SREK1IP1: variants seen among roughly 807,000 people sequenced by gnomAD.
SREK1IP1 encodes the protein SREK1 interacting protein 1.
A neutral mutation model predicts 22.8 loss-of-function variants in SREK1IP1; 12 were observed. The ratio of observed to expected loss-of-function variants is 0.53; its 90% CI spans 0.34 to 0.85. The LOEUF is 0.85. Ranked by LOEUF, SREK1IP1 falls within the 40% of genes least tolerant of loss-of-function variation. The pLI is 0.02. For synonymous variants in SREK1IP1, 53 were observed against 52.7 expected (o/e 1.01, Z -0.02); for missense variants, 147 against 171.8 (o/e 0.86, Z 0.81).
At chr5:64,740,926 A>C in intron 3 of SREK1IP1, 131 bp downstream of exon 3, 1 of 803,340 alleles carries the variant, frequency 1.2e-6, no homozygotes, top group Non-Finnish European at 1.9e-6. Context: ...ACAATATTTA[A>C]AACCTATTTC....
chr5:64,731,955 G>A (rs1237550727), intron 3 of SREK1IP1, among the ~76,000 whole-genome samples: 1 of 152,024 alleles, frequency 6.6e-6, no homozygotes, highest in Non-Finnish European at 1.5e-5. Context: ...AATGATTAAA[G>A]GCAAAGTGAA....
chr5:64,739,046 A>G (rs1179691065), intron 3 of SREK1IP1, among the ~76,000 whole-genome samples: 2 of 152,018 alleles, frequency 1.3e-5, no homozygotes, highest in African/African-American at 4.8e-5. Context: ...GGAAGCCTGG[A>G]TTATATTTTC....
rs75586163 is a variant in SREK1IP1, at chr5:64,738,646, T to C, written c.205+2411A>G. 3.9e-3 allele frequency among the ~76,000 whole-genome samples: 600 copies of C among 152,132 alleles called. 9 individuals are homozygous for C. The highest frequency in any genetic ancestry group is 0.03 in the East Asian group (155 of 5,176). On this transcript the variant is annotated intron_variant, in intron 3 of 4. Coordinates refer to ENST00000513458, the MANE Select transcript of SREK1IP1 (RefSeq NM_173829.4). ...ACATAAAGACAGACACATAGACCAA[T>C]GTAACAGAATAGGAAGTCCAGGAAT...
chr5:64,760,571 AC>A (rs1266861228), intron 1 of SREK1IP1, among the ~76,000 whole-genome samples: 3 of 152,204 alleles, frequency 2.0e-5, no homozygotes, highest in Non-Finnish European at 4.4e-5. Flanking sequence ...ATGTATGGGA[AC>A]AGACACACAA....
intron 3 of SREK1IP1, among the ~76,000 whole-genome samples, chr5:64,740,280 T>C (rs1201746477): frequency 6.6e-6 from 1 of 152,012 alleles, no homozygotes; most frequent in East Asian, 1.9e-4. Context: ...ATAAATGATA[T>C]CTGTTAGCCA....
intron 3 of SREK1IP1, among the ~76,000 whole-genome samples, chr5:64,738,513 G>T (rs1482175292): frequency 6.7e-6 from 1 of 149,582 alleles, no homozygotes; most frequent in Admixed American, 6.7e-5. Context: ...AACCACAAAA[G>T]ACCCCATACA....
At chr5:64,739,423 C>T (rs781135521) in intron 3 of SREK1IP1, among the ~76,000 whole-genome samples, 4 of 152,088 alleles carry the variant, frequency 2.6e-5, no homozygotes, top group Admixed American at 6.6e-5. Context: ...GAGGGTCTAA[C>T]TCGTGGAGAC....
intron 1 of SREK1IP1, 116 bp downstream of exon 1, chr5:64,768,389 T>A: frequency 7.4e-7 from 1 of 1,352,132 alleles, no homozygotes. Flanking sequence ...CCTGTGAATT[T>A]TAAGGCCTCC....
At position 64,760,011 on chromosome 5, in the gene SREK1IP1, A is replaced by G. The variant is rs73099505; in HGVS notation, c.14-5649T>C. On this transcript the variant is annotated intron_variant, in intron 1 of 4. Coordinates refer to ENST00000513458, the MANE Select transcript of SREK1IP1 (RefSeq NM_173829.4). Reference sequence around the variant, plus strand: ...TAGTTCTCCCAATTTATGTGCACAAATGCATACTGACTTATGTACAATGTT... The same window carrying G: ...TAGTTCTCCCAATTTATGTGCACAAGTGCATACTGACTTATGTACAATGTT... 9.6e-3 allele frequency among the ~76,000 whole-genome samples: 1,457 copies of G among 152,350 alleles called. 22 individuals carry two copies. The highest frequency in any genetic ancestry group is 0.033 in the African/African-American group (1,387 of 41,578).
intron 2 of SREK1IP1, among the ~76,000 whole-genome samples, chr5:64,746,084 C>G (rs1006265554): frequency 6.6e-6 from 1 of 152,202 alleles, no homozygotes; most frequent in African/African-American, 2.4e-5. Context: ...ACATAGCGAA[C>G]TGAGTTTTAG....
intron 1 of SREK1IP1, among the ~76,000 whole-genome samples, chr5:64,757,434 T>C (rs368651275): frequency 4.2e-4 from 64 of 152,344 alleles, no homozygotes; most frequent in East Asian, 2.1e-3. Flanking sequence ...TCTACTACAA[T>C]ACTTGTTTTA....
At chr5:64,749,848 T>C (rs1476373975) in intron 2 of SREK1IP1, among the ~76,000 whole-genome samples, 1 of 152,220 alleles carries the variant, frequency 6.6e-6, no homozygotes, top group African/African-American at 2.4e-5. Flanking sequence ...AACATGTAAC[T>C]GTCCTATGCG....
chr5:64,753,427 T>G (rs1214358226), intron 2 of SREK1IP1, among the ~76,000 whole-genome samples: 2 of 152,252 alleles, frequency 1.3e-5, no homozygotes, highest in East Asian at 3.8e-4. Context: ...TTCATTTATG[T>G]GAGTGATATA....
At chr5:64,767,419 A>T (rs544300530) in intron 1 of SREK1IP1, among the ~76,000 whole-genome samples, 4 of 152,324 alleles carry the variant, frequency 2.6e-5, no homozygotes, top group Middle Eastern at 3.4e-3. Flanking sequence ...TCCAATGCCC[A>T]GTACCAGTGC....
chr5:64,766,439 A>G (rs1743033846), intron 1 of SREK1IP1, among the ~76,000 whole-genome samples: 1 of 152,168 alleles, frequency 6.6e-6, no homozygotes, highest in Non-Finnish European at 1.5e-5. Flanking sequence ...ATGTATCTTC[A>G]ATTTATCCAC....
At chr5:64,740,469 TAA>T (rs1742534410) in intron 3 of SREK1IP1, among the ~76,000 whole-genome samples, 1 of 152,136 alleles carries the variant, frequency 6.6e-6, no homozygotes, top group African/African-American at 2.4e-5. Context: ...TTGGTATAAG[TAA>T]TAAAGAAACT....
chr5:64,733,120 T>C (rs958555697), intron 3 of SREK1IP1, among the ~76,000 whole-genome samples: 2 of 152,030 alleles, frequency 1.3e-5, no homozygotes, highest in Admixed American at 1.3e-4. Flanking sequence ...TTCAGATCTA[T>C]GCATAGGCAA....
At position 64,724,484 on chromosome 5, in the gene SREK1IP1, C is replaced by T. The variant is rs769357384; in HGVS notation, c.368G>A (p.Ser123Asn). ...QKKEKKKEKK[S>N]KSKKGKHHKK... ...GTGATGTTTCCCTTTTTTTGATTTA[C>T]TCTTTTTTTCTTTTTTCTTTTCTTT... Residue 123 changes from serine to asparagine, a missense_variant, in exon 5 of 5, where the codon AGT (serine) becomes AAT (asparagine). Ser to Asn is a conservative substitution (Grantham distance 46). Transcript: ENST00000513458. 3.8e-6 allele frequency: 6 copies of T among 1,589,076 alleles called. No individual in the cohort carries two copies. The South Asian group carries it at 5.9e-5, about 16-fold the overall frequency.
chr5:64,728,274 G>T, intron 3 of SREK1IP1, 95 bp from the exon 4 acceptor site: 1 of 1,082,240 alleles, frequency 9.2e-7, no homozygotes, highest in Non-Finnish European at 1.2e-6. Flanking sequence ...AGCTGTTGGT[G>T]AATTTCACTG....
Sources: gnomAD v4.1 joint callset for allele counts (sites outside exome capture counted in the v4.1 genomes callset) on GRCh38, gnomAD v4.1.1 for gene constraint, MANE v1.5 for transcripts, NCBI Gene and HGNC (gene_info 2026-07-23, HGNC 2026-07-21) for gene names.